The following ZNF496 variants were observed in gnomAD, a reference collection of about 807,000 sequenced individuals.
ZNF496 encodes the protein zinc finger protein 496.
Under a neutral mutation model 58.9 loss-of-function variants are expected in ZNF496, and 11 were observed. The ratio of observed to expected loss-of-function variants is 0.19; its 90% CI spans 0.12 to 0.31. The LOEUF is 0.31. Among genes scored for constraint, ZNF496 ranks in the 10% least tolerant of loss-of-function variants. The pLI, the probability that ZNF496 is intolerant of heterozygous loss-of-function variation, is 1.00. For synonymous variants in ZNF496, 338 were observed against 318.2 expected (o/e 1.06, Z -0.66); for missense variants, 660 against 783.0 (o/e 0.84, Z 1.88).
At chr1:247,328,204 G>C (rs549339467) in intron 5 of ZNF496, among the ~76,000 whole-genome samples, 1 of 152,210 alleles carries the variant, frequency 6.6e-6, no homozygotes, top group Admixed American at 6.5e-5. Flanking sequence ...CCACACACTA[G>C]ACACCACCCT....
chr1:247,302,322 G>C (rs1482733167), intron 9 of ZNF496, among the ~76,000 whole-genome samples: 4 of 152,068 alleles, frequency 2.6e-5, no homozygotes, highest in Non-Finnish European at 5.9e-5. Context: ...ATGGAGAGCA[G>C]AGAGATAAAG....
In ZNF496 at chr1:247,300,582, G is replaced by A. The variant is rs140961822; in HGVS notation, c.1701C>T (p.Asp567=). 2.1e-5 allele frequency: 34 copies of A among 1,613,866 alleles called. No homozygotes were observed. The African/African-American group carries it at 4.1e-4, about 20-fold the overall frequency. ...YCVKSFTQNY[D]LLRHERLHMK... ...TGTGCAGGCGCTCGTGGCGGAGGAG[G>A]TCATAGTTCTGCGTGAAGCTCTTGA... Residue 567 remains aspartate, a synonymous_variant, in exon 10 of 10, where the codon GAC becomes GAT. Coordinates refer to ENST00000682384, the MANE Select transcript of ZNF496 (RefSeq NM_032752.3). The surrounding 1 kb of genome is among the most constrained non-coding windows in gnomAD (Gnocchi z 5.7).
At chr1:247,322,356 G>C (rs1238710458) in intron 6 of ZNF496, among the ~76,000 whole-genome samples, 1 of 152,222 alleles carries the variant, frequency 6.6e-6, no homozygotes, top group Non-Finnish European at 1.5e-5. Flanking sequence ...CCGACATTCT[G>C]CTGAGACATG....
chr1:247,298,215 A>C lies in ZNF496; in HGVS notation c.*2304T>G, dbSNP rs1193649489. ...AGCCTCAACCGTTTATTTTGTGTTC[A>C]AAGTATAACCAAATGATTTTATTGC... On this transcript the variant is annotated 3_prime_UTR_variant, in exon 10 of 10. Transcript: ENST00000682384. 6.6e-6 allele frequency: 1 copy of C among 152,252 alleles called. No homozygotes were observed. Among genetic ancestry groups the C allele is most frequent in the African/African-American group, 2.4e-5 (1 of 41,464 alleles). 9.4% of individuals were successfully genotyped at this position (152,252 alleles called of 1,614,324 possible).
intron 9 of ZNF496, chr1:247,307,458 G>C: frequency 5.1e-6 from 5 of 985,404 alleles, no homozygotes; most frequent in Non-Finnish European, 6.0e-6. Flanking sequence ...GCAGAAAGAA[G>C]CTAGAGAAGA....
chr1:247,307,832 G>C, intron 9 of ZNF496: 1 of 985,440 alleles, frequency 1.0e-6, no homozygotes, highest in Non-Finnish European at 1.2e-6. Flanking sequence ...AGAAGAGAAA[G>C]ATGGCAGTAT....
At position 247,305,024 on chromosome 1, in the gene ZNF496, G is replaced by C. The variant is rs1407634187; in HGVS notation, c.1006+3451C>G. Reference sequence around the variant, plus strand: ...GGTCCTGAGGGTGAGGTCTTACAGGGGATGAATTGTGTTGTCCCAAAATTT... The same window carrying C: ...GGTCCTGAGGGTGAGGTCTTACAGGCGATGAATTGTGTTGTCCCAAAATTT... On this transcript the variant is annotated intron_variant, in intron 9 of 9. Coordinates refer to ENST00000682384, the MANE Select transcript of ZNF496 (RefSeq NM_032752.3). Among the ~76,000 whole-genome samples, 3 of 152,214 alleles carry C rather than the reference G, an allele frequency of 2.0e-5. No individual in the cohort carries two copies. The East Asian group carries it at 5.8e-4, about 29-fold the overall frequency.
chr1:247,322,836 T>C (rs1312947622), intron 6 of ZNF496: 5 of 1,290,808 alleles, frequency 3.9e-6, no homozygotes, highest in Non-Finnish European at 5.1e-6. Context: ...GAGATCTCCT[T>C]TTTCACAAGA....
chr1:247,307,397 A>T (rs1448811095), intron 9 of ZNF496: 1 of 985,354 alleles, frequency 1.0e-6, no homozygotes, highest in Non-Finnish European at 1.2e-6. Flanking sequence ...ATAAATGAAC[A>T]TCCATCCATC....
At chr1:247,322,885 C>A in intron 6 of ZNF496, 1 of 955,900 alleles carries the variant, frequency 1.0e-6, no homozygotes. Context: ...TCAATGGGGA[C>A]TCATGGGCCT....
At chr1:247,316,061 G>GA (rs61167944) in intron 6 of ZNF496, among the ~76,000 whole-genome samples, 84,688 of 151,188 alleles carry the variant, frequency 0.56, 24,168 homozygotes, top group Middle Eastern at 0.79. Context: ...CTTAAATGGG[G>GA]AAAAAATGGT....
chr1:247,306,276 A>G (rs1659405192), intron 9 of ZNF496, among the ~76,000 whole-genome samples: 1 of 151,844 alleles, frequency 6.6e-6, no homozygotes, highest in African/African-American at 2.4e-5. Context: ...GCTCACTGCA[A>G]CCTCTACCTC....
At chr1:247,324,427 C>T (rs1279602433) in intron 5 of ZNF496, among the ~76,000 whole-genome samples, 1 of 152,134 alleles carries the variant, frequency 6.6e-6, no homozygotes, top group East Asian at 1.9e-4. Context: ...TAACAACGTA[C>T]TGTGTACTTG....
chr1:247,328,414 T>C (rs541868616), intron 5 of ZNF496, among the ~76,000 whole-genome samples: 3 of 152,104 alleles, frequency 2.0e-5, no homozygotes, highest in Non-Finnish European at 2.9e-5. Flanking sequence ...CTCGAAGAGA[T>C]GAGAGGGCAC....
intron 6 of ZNF496, 78 bp from the exon 7 acceptor site, chr1:247,310,534 C>A: frequency 6.4e-7 from 1 of 1,564,188 alleles, no homozygotes; most frequent in Non-Finnish European, 8.7e-7. Flanking sequence ...GAGGCTGTGA[C>A]AACACAACGC....
chr1:247,308,609 A>T lies in ZNF496; in HGVS notation c.893-21T>A. On this transcript the variant is annotated intron_variant, in intron 8 of 9. Transcript: ENST00000682384. The surrounding 1 kb of genome is among the most constrained non-coding windows in gnomAD (Gnocchi z 4.5). ...AGAGTCTTTCCAGAGGAGGAAATGG[A>T]AAAATTGATTTGTTTTGCACCTACA... The T allele has an allele frequency of 1.9e-6, 3 of 1,609,348 alleles. No individual in the cohort carries two copies. The highest frequency in any genetic ancestry group is 2.6e-6 in the Non-Finnish European group (3 of 1,175,810).
intron 6 of ZNF496, among the ~76,000 whole-genome samples, chr1:247,322,237 T>C (rs947700452): frequency 7.9e-5 from 12 of 152,178 alleles, no homozygotes; most frequent in Non-Finnish European, 8.8e-5. Flanking sequence ...GAACTACGAC[T>C]GTGCCACTGC....
intron 5 of ZNF496, among the ~76,000 whole-genome samples, chr1:247,327,681 G>A (rs1038586543): frequency 3.9e-5 from 6 of 152,112 alleles, no homozygotes; most frequent in Admixed American, 3.9e-4. Context: ...TTTTATTACT[G>A]AAAAGCTTAT....
chr1:247,304,923 G>GA (rs1659363521), intron 9 of ZNF496, among the ~76,000 whole-genome samples: 1 of 152,298 alleles, frequency 6.6e-6, no homozygotes, highest in African/African-American at 2.4e-5. Flanking sequence ...AGTTGATGCT[G>GA]AAACAGGTTG....
Sources: allele counts gnomAD v4.1 joint callset (sites outside exome capture counted in the v4.1 genomes callset), GRCh38; gene constraint gnomAD v4.1.1; non-coding constraint Gnocchi (gnomAD v3.1); transcripts MANE v1.5; gene names NCBI Gene and HGNC (gene_info 2026-07-23, HGNC 2026-07-21).